The following TTC28 variants were observed in gnomAD, a reference collection of about 807,000 sequenced individuals.
The protein encoded by TTC28 is tetratricopeptide repeat protein 28.
In TTC28, 61 loss-of-function variants were observed where a neutral mutation model predicts 198.0. The ratio of observed to expected loss-of-function variants is 0.31; its 90% CI spans 0.25 to 0.38. The LOEUF (loss-of-function observed/expected upper bound fraction) is 0.38, where lower values mean the gene tolerates loss of function less well. TTC28 is among the 10% of genes least tolerant of loss of function. The pLI, the probability that TTC28 is intolerant of heterozygous loss-of-function variation, is 1.00. For synonymous variants in TTC28, 1,171 were observed against 1,297.8 expected (o/e 0.90, Z 2.10); for missense variants, 2,678 against 3,164.0 (o/e 0.85, Z 3.69).
intron 6 of TTC28, among the ~76,000 whole-genome samples, chr22:28,139,011 G>A (rs1480793587): frequency 6.6e-6 from 1 of 151,420 alleles, no homozygotes; most frequent in African/African-American, 2.4e-5. Flanking sequence ...TATTAGGATT[G>A]TATCTTGATT....
chr22:28,595,734 GC>G (rs2050528956), intron 2 of TTC28, among the ~76,000 whole-genome samples: 1 of 152,258 alleles, frequency 6.6e-6, no homozygotes, highest in African/African-American at 2.4e-5. Context: ...GACCATCCTG[GC>G]CAACATGGTG....
At chr22:28,525,996 A>C (rs1372554555) in intron 2 of TTC28, among the ~76,000 whole-genome samples, 1 of 152,230 alleles carries the variant, frequency 6.6e-6, no homozygotes, top group Non-Finnish European at 1.5e-5. Flanking sequence ...AAAGAACTAG[A>C]ATTCTAGAAT....
At chr22:28,554,060 A>T (rs2049746982) in intron 2 of TTC28, among the ~76,000 whole-genome samples, 1 of 152,008 alleles carries the variant, frequency 6.6e-6, no homozygotes, top group South Asian at 2.1e-4. Context: ...GATCCTGTTG[A>T]TCTGTGACCT....
chr22:28,527,271 C>T (rs189680579), intron 2 of TTC28, among the ~76,000 whole-genome samples: 2 of 152,172 alleles, frequency 1.3e-5, no homozygotes, highest in African/African-American at 2.4e-5. Context: ...ACTCCCTCTA[C>T]TCACTCCCTC....
chr22:28,392,498 C>T (rs1424164731), intron 2 of TTC28, among the ~76,000 whole-genome samples: 6 of 152,320 alleles, frequency 3.9e-5, no homozygotes, highest in African/African-American at 9.6e-5. Context: ...AGGGAGACTC[C>T]GTGGGCGTAG....
At chr22:28,400,301 C>T (rs1271495523) in intron 2 of TTC28, among the ~76,000 whole-genome samples, 1 of 152,208 alleles carries the variant, frequency 6.6e-6, no homozygotes, top group Non-Finnish European at 1.5e-5. Context: ...CTTCCCTTTG[C>T]CAGTGTGTAC....
At position 28,107,207 on chromosome 22, in the gene TTC28, A is replaced by T. The variant is rs1267124703; in HGVS notation, c.2638T>A (p.Tyr880Asn). ...TCGTAGCAATCCCCCAGGTTGCCAT[A>T]GGCCCGGCCCCTGTCGAGCACAGAC... ...NESVLDRGRA[Y>N]GNLGDCYEAL... Residue 880 changes from tyrosine to asparagine, a missense_variant, in exon 7 of 23, where the codon TAT becomes AAT. Coordinates refer to ENST00000397906, the MANE Select transcript of TTC28 (RefSeq NM_001145418.2). 6.4e-7 allele frequency: 1 copy of T among 1,551,674 alleles called. No individual in the cohort carries two copies. Among genetic ancestry groups the T allele is most frequent in the Non-Finnish European group, 8.7e-7 (1 of 1,146,990 alleles).
chr22:28,345,388 G>A (rs894802500), intron 2 of TTC28, among the ~76,000 whole-genome samples: 5 of 152,092 alleles, frequency 3.3e-5, no homozygotes, highest in African/African-American at 1.2e-4. Flanking sequence ...CAGTGCATGG[G>A]ACTATTGAAT....
At chr22:28,555,891 A>G (rs2049777772) in intron 2 of TTC28, among the ~76,000 whole-genome samples, 1 of 152,170 alleles carries the variant, frequency 6.6e-6, no homozygotes, top group East Asian at 1.9e-4. Context: ...CACAAATTAG[A>G]TGCTACTCTT....
intron 5 of TTC28, among the ~76,000 whole-genome samples, chr22:28,167,642 T>C (rs1003389300): frequency 6.6e-6 from 1 of 152,188 alleles, no homozygotes; most frequent in South Asian, 2.1e-4. Context: ...AAAATCTCTC[T>C]ATAAATTAGG....
intron 13 of TTC28, among the ~76,000 whole-genome samples, chr22:28,024,960 C>T (rs1292951783): frequency 1.3e-5 from 2 of 152,088 alleles, no homozygotes; most frequent in African/African-American, 2.4e-5. Flanking sequence ...CTTATTGGGG[C>T]CAGAAGCCAA....
chr22:28,514,326 A>G (rs978658586), intron 2 of TTC28, among the ~76,000 whole-genome samples: 3 of 152,200 alleles, frequency 2.0e-5, no homozygotes, highest in Admixed American at 6.5e-5. Flanking sequence ...ATAAAACCCA[A>G]CTCTACTGGG....
At chr22:28,591,832 G>C (rs1362466052) in intron 2 of TTC28, among the ~76,000 whole-genome samples, 1 of 152,036 alleles carries the variant, frequency 6.6e-6, no homozygotes, top group Non-Finnish European at 1.5e-5. Context: ...GTAATTTCTA[G>C]GGATACACTA....
rs1397071202 is a variant in TTC28 at position 28,393,710 on chromosome 22, GA to G, written c.382-87068del. Among the ~76,000 whole-genome samples the G allele has an allele frequency of 5.3e-5, 8 of 152,028 alleles. 1 individual carries two copies. Among genetic ancestry groups the G allele is most frequent in the Non-Finnish European group, 1.0e-4 (7 of 67,986 alleles). On this transcript the variant is annotated intron_variant, in intron 2 of 22. Transcript: ENST00000397906. Reference sequence around the variant, plus strand: ...CCCTGTCTTAAAAAAATAAAAAATGGAAAAACAAAGCAAAACGGCTTCAGCT... The same window carrying G: ...CCCTGTCTTAAAAAAATAAAAAATGGAAAACAAAGCAAAACGGCTTCAGCT...
intron 2 of TTC28, among the ~76,000 whole-genome samples, chr22:28,358,438 G>A (rs1315608377): frequency 5.3e-5 from 8 of 152,190 alleles, no homozygotes; most frequent in Admixed American, 5.2e-4. Flanking sequence ...CATGAAGTCT[G>A]TGGGTTTACA....
At chr22:28,644,494 T>C (rs2051423478) in intron 1 of TTC28, among the ~76,000 whole-genome samples, 1 of 151,680 alleles carries the variant, frequency 6.6e-6, no homozygotes, top group African/African-American at 2.4e-5. Context: ...GAATGACCCA[T>C]GCTAGAACTA....
chr22:28,392,870 C>CTTTTTTTTTTTTTTTTTTTTTTTTT (rs1245558034), intron 2 of TTC28, among the ~76,000 whole-genome samples: 1 of 80,678 alleles, frequency 1.2e-5, no homozygotes, highest in Non-Finnish European at 2.2e-5. Flanking sequence ...TTCCTCCCTC[C>CTTTTTTTTTTTTTTTTTTTTTTTTT]TTTTTTTTTT....
intron 2 of TTC28, among the ~76,000 whole-genome samples, chr22:28,615,411 A>T (rs563969434): frequency 6.6e-6 from 1 of 152,326 alleles, no homozygotes; most frequent in African/African-American, 2.4e-5. Context: ...AGTATCTAGA[A>T]CTAGAAATAC....
chr22:28,312,906 A>C (rs373478924), intron 2 of TTC28, among the ~76,000 whole-genome samples: 1 of 152,226 alleles, frequency 6.6e-6, no homozygotes, highest in African/African-American at 2.4e-5. Flanking sequence ...ACCTTCAAAA[A>C]ATCAATGAAT....
Sources: gnomAD v4.1 joint callset for allele counts (sites outside exome capture counted in the v4.1 genomes callset) on GRCh38, gnomAD v4.1.1 for gene constraint, MANE v1.5 for transcripts, NCBI Gene and HGNC (gene_info 2026-07-23, HGNC 2026-07-21) for gene names.